The following PPP2R5A variants were observed in gnomAD, a reference collection of about 807,000 sequenced individuals.
PPP2R5A encodes the protein protein phosphatase 2 regulatory subunit B'alpha.
Under a neutral mutation model 64.2 loss-of-function variants are expected in PPP2R5A, and 25 were observed. That is an observed-to-expected ratio of 0.39 (90% CI 0.28 to 0.54). The LOEUF is 0.54. PPP2R5A is among the 20% of genes least tolerant of loss of function. The pLI, the probability that PPP2R5A is intolerant of heterozygous loss-of-function variation, is 0.67. For missense variants in PPP2R5A, 425 were observed against 576.3 expected (o/e 0.74, Z 2.69); for synonymous variants, 198 against 201.2 (o/e 0.98, Z 0.13).
At chr1:212,322,199 C>A (rs1276646394) in intron 1 of PPP2R5A, among the ~76,000 whole-genome samples, 1 of 98,262 alleles carries the variant, frequency 1.0e-5, no homozygotes, top group Admixed American at 1.3e-4. Context: ...AGAGGGAGAC[C>A]GTGGGGAGAG....
intron 1 of PPP2R5A, among the ~76,000 whole-genome samples, chr1:212,328,398 A>AC (rs762548028): frequency 8.7e-4 from 132 of 152,194 alleles, no homozygotes; most frequent in Non-Finnish European, 1.6e-3. Context: ...GAATGTGGGA[A>AC]GAAGGGCATT....
At chr1:212,306,666 T>C (rs924765488) in intron 1 of PPP2R5A, 14 of 152,252 alleles carry the variant, frequency 9.2e-5, no homozygotes, top group African/African-American at 3.1e-4. Flanking sequence ...TTGTATCTTC[T>C]GGAGACTTAG....
At chr1:212,347,603 G>A (rs563231911) in intron 6 of PPP2R5A, among the ~76,000 whole-genome samples, 197 bp downstream of exon 6, 5 of 151,440 alleles carry the variant, frequency 3.3e-5, no homozygotes, top group Non-Finnish European at 7.4e-5. Context: ...GCAATGGCGC[G>A]TTCTCGGCTC....
chr1:212,311,465 C>CAA (rs879500450), intron 1 of PPP2R5A, among the ~76,000 whole-genome samples: 1 of 117,534 alleles, frequency 8.5e-6, no homozygotes, highest in Non-Finnish European at 1.8e-5. Flanking sequence ...GACTCCGTCT[C>CAA]AAAAAAAAAA....
intron 4 of PPP2R5A, among the ~76,000 whole-genome samples, chr1:212,344,993 G>A (rs945417429): frequency 9.9e-5 from 15 of 151,838 alleles, no homozygotes; most frequent in African/African-American, 2.4e-4. Context: ...GTGAAACCCC[G>A]TCTCTACCAA....
intron 8 of PPP2R5A, among the ~76,000 whole-genome samples, chr1:212,356,313 G>C (rs902894262): frequency 6.6e-6 from 1 of 152,042 alleles, no homozygotes; most frequent in Non-Finnish European, 1.5e-5. Flanking sequence ...TTTTATTTAT[G>C]TGTTTAATTG....
intron 1 of PPP2R5A, among the ~76,000 whole-genome samples, chr1:212,295,699 T>TCTCATTCTA (rs1658681383): frequency 6.6e-6 from 1 of 151,968 alleles, no homozygotes; most frequent in Non-Finnish European, 1.5e-5. Context: ...AAGAGAGTCT[T>TCTCATTCTA]TAAAAACTGG....
chr1:212,294,164 A>G (rs72752384), intron 1 of PPP2R5A, among the ~76,000 whole-genome samples: 3,777 of 152,160 alleles, frequency 0.025, 61 homozygotes, highest in African/African-American at 0.034. Flanking sequence ...TATTTTGTCT[A>G]ATTGGTTTTG....
chr1:212,332,355 CT>C, intron 2 of PPP2R5A, among the ~76,000 whole-genome samples: 1 of 152,146 alleles, frequency 6.6e-6, no homozygotes, highest in Non-Finnish European at 1.5e-5. Flanking sequence ...TGATCAACCC[CT>C]TAGTAGTTGG....
chr1:212,342,403 C>T (rs1659700963), intron 4 of PPP2R5A, 123 bp downstream of exon 4: 1 of 1,249,176 alleles, frequency 8.0e-7, no homozygotes, highest in Non-Finnish European at 1.1e-6. Context: ...CTTAATATTA[C>T]TGCCAAACCA....
intron 1 of PPP2R5A, among the ~76,000 whole-genome samples, chr1:212,310,091 C>T (rs976761724): frequency 5.9e-5 from 9 of 152,162 alleles, no homozygotes; most frequent in Admixed American, 2.0e-4. Flanking sequence ...TGGCAGGGTT[C>T]TCTTTGTCTT....
intron 3 of PPP2R5A, among the ~76,000 whole-genome samples, chr1:212,337,649 T>A (rs756489474): frequency 6.6e-6 from 1 of 152,176 alleles, no homozygotes; most frequent in Non-Finnish European, 1.5e-5. Flanking sequence ...TATATAAGGT[T>A]GAGAAATACT....
intron 1 of PPP2R5A, among the ~76,000 whole-genome samples, chr1:212,291,320 G>A (rs949718923): frequency 6.6e-6 from 1 of 152,090 alleles, no homozygotes; most frequent in Non-Finnish European, 1.5e-5. Context: ...GACCCCAGGT[G>A]TTCTGCCTGC....
At chr1:212,356,321 T>C (rs997202581) in intron 8 of PPP2R5A, among the ~76,000 whole-genome samples, 2 of 152,204 alleles carry the variant, frequency 1.3e-5, no homozygotes, top group African/African-American at 4.8e-5. Flanking sequence ...ATGTGTTTAA[T>C]TGATCACTTG....
rs1659102661 is a variant in PPP2R5A, at chr1:212,314,287, G to A, written c.182-14848G>A. Among the ~76,000 whole-genome samples, 3 of 152,158 alleles carry A rather than the reference G, an allele frequency of 2.0e-5. No homozygotes were observed. In the South Asian group the frequency reaches 6.2e-4, roughly 32 times the overall value. On this transcript the variant is annotated intron_variant, in intron 1 of 12. Coordinates refer to ENST00000261461, the MANE Select transcript of PPP2R5A (RefSeq NM_006243.4). Reference sequence around the variant, plus strand: ...CCTCTAGTTTTCTAGTCCTTTAGCTGAGGCCTTAGACATCATGGAGCAGAG... The same window carrying A: ...CCTCTAGTTTTCTAGTCCTTTAGCTAAGGCCTTAGACATCATGGAGCAGAG...
intron 3 of PPP2R5A, among the ~76,000 whole-genome samples, chr1:212,335,118 G>A (rs1439658980): frequency 6.6e-6 from 1 of 151,664 alleles, no homozygotes; most frequent in African/African-American, 2.4e-5. Flanking sequence ...CAATTAATTT[G>A]CTGATTTTTT....
At chr1:212,329,810 C>T (rs1049255727) in intron 2 of PPP2R5A, among the ~76,000 whole-genome samples, 1 of 152,046 alleles carries the variant, frequency 6.6e-6, no homozygotes, top group Non-Finnish European at 1.5e-5. Context: ...CACGCCCAGC[C>T]AATTTTTGTA....
At chr1:212,341,852 C>T (rs1443203033) in intron 3 of PPP2R5A, among the ~76,000 whole-genome samples, 1 of 152,068 alleles carries the variant, frequency 6.6e-6, no homozygotes, top group Non-Finnish European at 1.5e-5. Flanking sequence ...AGTCTTCCTA[C>T]CTCAGCCTCC....
intron 1 of PPP2R5A, among the ~76,000 whole-genome samples, chr1:212,307,753 A>ATATT (rs1264151088): frequency 6.6e-6 from 1 of 152,190 alleles, no homozygotes; most frequent in East Asian, 1.9e-4. Context: ...CCTGAAGGAA[A>ATATT]TCCTTTAGTG....
Sources: allele counts gnomAD v4.1 joint callset (sites outside exome capture counted in the v4.1 genomes callset), GRCh38; gene constraint gnomAD v4.1.1; transcripts MANE v1.5; gene names NCBI Gene and HGNC (gene_info 2026-07-23, HGNC 2026-07-21).